The following SLC24A2 variants were observed in gnomAD, a reference collection of about 807,000 sequenced individuals.
SLC24A2 encodes the protein solute carrier family 24 member 2.
In SLC24A2, 36 loss-of-function variants were observed where a neutral mutation model predicts 62.0. The observed-to-expected ratio is 0.58, with a 90% CI of 0.44 to 0.77. The LOEUF (loss-of-function observed/expected upper bound fraction) is 0.77, where lower values mean the gene tolerates loss of function less well. SLC24A2 is among the 30% of genes least tolerant of loss of function. The pLI is 0.00. For synonymous variants in SLC24A2, 358 were observed against 294.0 expected, an observed-to-expected ratio of 1.22 and a Z score of -2.23; for missense variants, 846 against 817.9, an observed-to-expected ratio of 1.03 and a Z score of -0.42.
chr9:19,765,240 C>T (rs1201355127), intron 2 of SLC24A2, among the ~76,000 whole-genome samples: 1 of 152,102 alleles, frequency 6.6e-6, no homozygotes, highest in Non-Finnish European at 1.5e-5. Context: ...TGGGTCTTGA[C>T]TCTTTATCCA....
the SLC24A2 span, among the ~76,000 whole-genome samples, chr9:20,271,328 G>A: frequency 6.6e-6 from 1 of 152,182 alleles, no homozygotes; most frequent in Admixed American, 6.5e-5. Flanking sequence ...ACAGATGTCT[G>A]GGGAGTTACA....
At chr9:20,272,747 T>C in the SLC24A2 span, among the ~76,000 whole-genome samples, 3 of 152,190 alleles carry the variant, frequency 2.0e-5, no homozygotes, top group African/African-American at 7.2e-5. Context: ...AAGGTTCCTT[T>C]GGTTGCCAGC....
the SLC24A2 span, among the ~76,000 whole-genome samples, chr9:20,260,848 TC>T: frequency 4.3e-5 from 6 of 137,956 alleles, no homozygotes; most frequent in Non-Finnish European, 9.2e-5. Context: ...TATCATTCTT[TC>T]TTTTTTTTTT....
intron 2 of SLC24A2, among the ~76,000 whole-genome samples, chr9:19,691,754 T>C (rs1298581745): frequency 6.6e-6 from 1 of 152,140 alleles, no homozygotes; most frequent in Admixed American, 6.6e-5. Context: ...AATGTCACAG[T>C]ACTGGATTCC....
chr9:19,716,174 T>G (rs1820854383), intron 2 of SLC24A2, among the ~76,000 whole-genome samples: 1 of 152,302 alleles, frequency 6.6e-6, no homozygotes, highest in Non-Finnish European at 1.5e-5. Flanking sequence ...CTTTTTCTAT[T>G]TCTCCCTTTT....
the SLC24A2 span, among the ~76,000 whole-genome samples, chr9:20,243,646 G>A: frequency 9.1e-3 from 1,389 of 152,198 alleles, 24 homozygotes; most frequent in African/African-American, 0.032. Flanking sequence ...TATGAACAAA[G>A]CATTCTAGAG....
At chr9:20,051,529 G>A in the SLC24A2 span, among the ~76,000 whole-genome samples, 2 of 151,830 alleles carry the variant, frequency 1.3e-5, no homozygotes, top group African/African-American at 2.4e-5. Context: ...GCCAAGAACT[G>A]CAATATGAGT....
chr9:20,297,611 C>T, the SLC24A2 span, among the ~76,000 whole-genome samples: 1 of 152,224 alleles, frequency 6.6e-6, no homozygotes, highest in African/African-American at 2.4e-5. Flanking sequence ...ATGGCAGCCC[C>T]CACCTAGGCA....
chr9:20,218,266 A>G, the SLC24A2 span, among the ~76,000 whole-genome samples: 1 of 152,106 alleles, frequency 6.6e-6, no homozygotes, highest in Non-Finnish European at 1.5e-5. Context: ...TGTCCCTCAC[A>G]TTTGTCTATC....
chr9:20,058,240 C>A, the SLC24A2 span, among the ~76,000 whole-genome samples: 1 of 152,080 alleles, frequency 6.6e-6, no homozygotes, highest in African/African-American at 2.4e-5. Context: ...GAAGTCAGAT[C>A]AAGGTCTTTC....
chr9:19,588,161 GT>G (rs1332119959), intron 5 of SLC24A2, among the ~76,000 whole-genome samples: 2 of 137,704 alleles, frequency 1.5e-5, no homozygotes, highest in African/African-American at 2.7e-5. Context: ...GTTCAATACA[GT>G]TTTTTTTCTT....
the SLC24A2 span, among the ~76,000 whole-genome samples, chr9:19,798,555 T>G: frequency 6.6e-6 from 1 of 151,966 alleles, no homozygotes; most frequent in East Asian, 1.9e-4. Context: ...AATCTTTCCA[T>G]TGCTTTTATA....
At chr9:20,093,082 T>G in the SLC24A2 span, among the ~76,000 whole-genome samples, 1 of 151,612 alleles carries the variant, frequency 6.6e-6, no homozygotes, top group African/African-American at 2.4e-5. Context: ...CTGTTTTTTG[T>G]TTTTTTTAGA....
In SLC24A2 at chr9:19,577,416, G is replaced by A. The variant is rs76318598; in HGVS notation, c.1130-394C>T. On this transcript the variant is annotated intron_variant, in intron 5 of 10. Coordinates refer to ENST00000341998, the MANE Select transcript of SLC24A2 (RefSeq NM_020344.4). ...GGCTGGGAAGGAAAGCCAAGCCCAG[G>A]GGTCCTCTGATTTGACTTCAGTTTT... is the stretch of plus-strand genomic sequence containing the variant. 1.1e-3 allele frequency among the ~76,000 whole-genome samples: 166 copies of A among 152,296 alleles called. 1 individual carries two copies. The highest frequency in any genetic ancestry group is 3.7e-3 in the African/African-American group (154 of 41,578).
At chr9:19,554,639 G>A (rs1159387090) in intron 7 of SLC24A2, among the ~76,000 whole-genome samples, 1 of 152,224 alleles carries the variant, frequency 6.6e-6, no homozygotes, top group African/African-American at 2.4e-5. Flanking sequence ...TCTGGCCAAA[G>A]GATGTATTGG....
chr9:19,919,407 A>C, the SLC24A2 span, among the ~76,000 whole-genome samples: 1 of 152,188 alleles, frequency 6.6e-6, no homozygotes, highest in African/African-American at 2.4e-5. Context: ...TACAGTCTCT[A>C]ATTGAAATAA....
the SLC24A2 span, among the ~76,000 whole-genome samples, chr9:19,809,558 A>C: frequency 2.0e-5 from 3 of 152,158 alleles, no homozygotes; most frequent in Non-Finnish European, 4.4e-5. Flanking sequence ...ATCGAGCTGC[A>C]GACATAGATG....
chr9:19,540,570 G>T (rs1834201699), intron 8 of SLC24A2, among the ~76,000 whole-genome samples: 1 of 148,126 alleles, frequency 6.8e-6, no homozygotes, highest in South Asian at 2.1e-4. Context: ...TCTGCCGAGA[G>T]ATCCGCTGTT....
intron 1 of SLC24A2, among the ~76,000 whole-genome samples, chr9:19,788,189 G>A (rs1823235594): frequency 6.6e-6 from 1 of 152,170 alleles, no homozygotes; most frequent in Non-Finnish European, 1.5e-5. Context: ...AATCAACCCC[G>A]CTGAGTTGCT....
Sources: allele counts gnomAD v4.1 joint callset (sites outside exome capture counted in the v4.1 genomes callset), GRCh38; gene constraint gnomAD v4.1.1; transcripts MANE v1.5; gene names NCBI Gene and HGNC (gene_info 2026-07-23, HGNC 2026-07-21).